The following MYO6 variants were observed in gnomAD, a reference collection of about 807,000 sequenced individuals.
MYO6 encodes myosin VI, also known as unconventional myosin-VI.
MYO6 carries 74 observed loss-of-function variants against 178.7 expected under a neutral mutation model. The ratio of observed to expected loss-of-function variants is 0.41; its 90% CI spans 0.34 to 0.50. MYO6 has a LOEUF of 0.50. Among genes scored for constraint, MYO6 ranks in the 20% least tolerant of loss-of-function variants. MYO6 has a pLI of 0.09. For synonymous variants in MYO6, 477 were observed against 504.6 expected, an observed-to-expected ratio of 0.95 and a Z score of 0.73; for missense variants, 1,330 against 1,547.4, an observed-to-expected ratio of 0.86 and a Z score of 2.36.
intron 12 of MYO6, among the ~76,000 whole-genome samples, chr6:75,856,029 T>C (rs1276140333): frequency 6.6e-6 from 1 of 152,216 alleles, no homozygotes; most frequent in African/African-American, 2.4e-5. Context: ...TGGCTATCTC[T>C]TATTCTTTTG....
intron 1 of MYO6, among the ~76,000 whole-genome samples, chr6:75,754,085 A>C (rs1777132916): frequency 6.6e-6 from 1 of 152,198 alleles, no homozygotes; most frequent in South Asian, 2.1e-4. Context: ...GCATGTCTCA[A>C]GTGAAACCAA....
intron 20 of MYO6, among the ~76,000 whole-genome samples, chr6:75,879,298 TAC>T (rs1206889114): frequency 1.3e-5 from 2 of 152,162 alleles, no homozygotes; most frequent in African/African-American, 4.8e-5. Context: ...CAGGCTGGAA[TAC>T]AGTGTCCTGC....
intron 1 of MYO6, among the ~76,000 whole-genome samples, chr6:75,765,483 A>G (rs1778338252): frequency 6.6e-6 from 1 of 152,124 alleles, no homozygotes; most frequent in Non-Finnish European, 1.5e-5. Context: ...GGCCAAAAAT[A>G]AACATTTCTT....
At chr6:75,756,700 A>T (rs1777386797) in intron 1 of MYO6, among the ~76,000 whole-genome samples, 1 of 152,076 alleles carries the variant, frequency 6.6e-6, no homozygotes, top group Non-Finnish European at 1.5e-5. Context: ...GTATTTTTGT[A>T]TACATTAGCT....
Position 75,825,519 on chromosome 6 carries a change from G to A in MYO6, c.187+2668G>A, listed in dbSNP as rs150211101. ...GAGGCAGGAGACTCCCTTGAACCCA[G>A]GAGGCGGAGATTGCAGTGAGCCGAG... On this transcript the variant is annotated intron_variant, in intron 3 of 34. Coordinates refer to ENST00000369977, the MANE Select transcript of MYO6 (RefSeq NM_004999.4). Among the ~76,000 whole-genome samples the A allele has an allele frequency of 4.7e-3, 718 of 152,304 alleles. 14 individuals carry two copies. In the East Asian group the frequency reaches 0.078, roughly 17 times the overall value.
chr6:75,831,728 T>TA (rs1583216458), intron 5 of MYO6, among the ~76,000 whole-genome samples: 3 of 150,888 alleles, frequency 2.0e-5, no homozygotes, highest in African/African-American at 4.9e-5. Context: ...CTTGTCTCTA[T>TA]AAAAAAAATG....
At chr6:75,837,975 C>T (rs1773816786) in intron 7 of MYO6, among the ~76,000 whole-genome samples, 1 of 151,928 alleles carries the variant, frequency 6.6e-6, no homozygotes, top group Non-Finnish European at 1.5e-5. Context: ...GTTTCTTCCC[C>T]AGTAATGTGC....
chr6:75,749,645 A>G (rs1401143275), intron 1 of MYO6, among the ~76,000 whole-genome samples: 1 of 152,208 alleles, frequency 6.6e-6, no homozygotes, highest in Non-Finnish European at 1.5e-5. Flanking sequence ...GTCTCCTTTC[A>G]TGGGTTCTCA....
At chr6:75,840,847 C>T (rs986940631) in intron 8 of MYO6, among the ~76,000 whole-genome samples, 165 bp downstream of exon 8, 2 of 152,176 alleles carry the variant, frequency 1.3e-5, no homozygotes, top group African/African-American at 4.8e-5. Context: ...CTAAAAGCTC[C>T]TTTCACAATC....
At chr6:75,900,513 T>C (rs1779679550) in intron 30 of MYO6, among the ~76,000 whole-genome samples, 2 of 152,232 alleles carry the variant, frequency 1.3e-5, no homozygotes. Context: ...TTCATGTTTT[T>C]TTTGGCTGCA....
At chr6:75,855,431 GTTTAACATAGCT>G (rs1775652564) in intron 12 of MYO6, 148 bp downstream of exon 12, 1 of 788,292 alleles carries the variant, frequency 1.3e-6, no homozygotes, top group Admixed American at 2.2e-5. Context: ...AATAAATGGA[GTTTAACATAGCT>G]CTTAAAGTTG....
intron 13 of MYO6, among the ~76,000 whole-genome samples, chr6:75,857,680 T>G (rs1775843616): frequency 6.6e-6 from 1 of 152,258 alleles, no homozygotes; most frequent in Admixed American, 6.5e-5. Flanking sequence ...CAGGCCAACC[T>G]CATTACTATG....
At chr6:75,904,951 G>C (rs1437244430) in intron 30 of MYO6, among the ~76,000 whole-genome samples, 1 of 152,174 alleles carries the variant, frequency 6.6e-6, no homozygotes, top group East Asian at 1.9e-4. Flanking sequence ...CTACAGACAG[G>C]ACCCTCAGCT....
chr6:75,836,740 A>C (rs1773685579), intron 7 of MYO6, among the ~76,000 whole-genome samples: 1 of 151,322 alleles, frequency 6.6e-6, no homozygotes, highest in African/African-American at 2.4e-5. Flanking sequence ...CCACCACCAC[A>C]TCTGGCTAAT....
At chr6:75,848,773 A>T (rs1159854118) in intron 11 of MYO6, among the ~76,000 whole-genome samples, 2 of 152,142 alleles carry the variant, frequency 1.3e-5, no homozygotes, top group African/African-American at 2.4e-5. Flanking sequence ...TGAAGTATAA[A>T]TAACTGACTA....
chr6:75,805,256 C>T (rs575139575), intron 1 of MYO6, among the ~76,000 whole-genome samples: 4 of 151,754 alleles, frequency 2.6e-5, no homozygotes, highest in East Asian at 3.9e-4. Context: ...ACTCCTGCCT[C>T]GGCCTCCCAA....
intron 1 of MYO6, among the ~76,000 whole-genome samples, chr6:75,813,542 G>T: frequency 6.6e-6 from 1 of 152,228 alleles, no homozygotes. Context: ...GGCTGAGCTG[G>T]TACCCAGGCT....
chr6:75,815,579 A>G (rs747900089), intron 1 of MYO6, among the ~76,000 whole-genome samples: 8 of 152,240 alleles, frequency 5.3e-5, no homozygotes, highest in East Asian at 1.9e-4. Flanking sequence ...ATTCACTTCT[A>G]TGAAGACTCT....
chr6:75,767,511 T>C (rs1401311774), intron 1 of MYO6, among the ~76,000 whole-genome samples: 11 of 150,972 alleles, frequency 7.3e-5, no homozygotes, highest in African/African-American at 2.7e-4. Flanking sequence ...ACACATGATT[T>C]ACAAATTCCT....
Sources: allele counts gnomAD v4.1 joint callset (sites outside exome capture counted in the v4.1 genomes callset), GRCh38; gene constraint gnomAD v4.1.1; transcripts MANE v1.5; gene names NCBI Gene and HGNC (gene_info 2026-07-23, HGNC 2026-07-21).